Variants in RREB1 observed in about 807,000 individuals in gnomAD.
RREB1 encodes the protein ras-responsive element-binding protein 1.
RREB1 carries 27 observed loss-of-function variants against 117.8 expected under a neutral mutation model. The ratio of observed to expected loss-of-function variants is 0.23; its 90% CI spans 0.17 to 0.32. The LOEUF is 0.32. Ranked by LOEUF, RREB1 falls within the 10% of genes least tolerant of loss-of-function variation. RREB1 has a pLI of 1.00. For missense variants in RREB1, 2,577 were observed against 2,378.2 expected (o/e 1.08, Z -1.74); for synonymous variants, 1,298 against 1,026.7 (o/e 1.26, Z -5.05).
Position 7,111,907 on chromosome 6 carries a change from A to G in RREB1, c.-285+3847A>G, listed in dbSNP as rs1268898994. 2.6e-5 allele frequency among the ~76,000 whole-genome samples: 4 copies of G among 152,328 alleles called. No homozygotes were observed. The East Asian group carries it at 5.8e-4, about 22-fold the overall frequency. Reference sequence around the variant, plus strand: ...GAAATTCTGCATAATCCATAAAGTTATGTCTTTTATTCCGCATGAAACAGA... The same window carrying G: ...GAAATTCTGCATAATCCATAAAGTTGTGTCTTTTATTCCGCATGAAACAGA... On this transcript the variant is annotated intron_variant, in intron 1 of 12. Coordinates refer to ENST00000379938, the MANE Select transcript of RREB1 (RefSeq NM_001003699.4).
At chr6:7,160,186 C>T (rs1342474435) in intron 1 of RREB1, among the ~76,000 whole-genome samples, 1 of 151,406 alleles carries the variant, frequency 6.6e-6, no homozygotes, top group Non-Finnish European at 1.5e-5. Context: ...TTCAGTGGTA[C>T]AATTATAGCT....
At chr6:7,235,410 CAT>C (rs1360508672) in intron 10 of RREB1, among the ~76,000 whole-genome samples, 2 of 152,212 alleles carry the variant, frequency 1.3e-5, no homozygotes, top group Non-Finnish European at 2.9e-5. Flanking sequence ...TGAGTGTACA[CAT>C]GTTAAACATT....
chr6:7,153,991 TGGC>T (rs1359285822), intron 1 of RREB1, among the ~76,000 whole-genome samples: 1 of 152,230 alleles, frequency 6.6e-6, no homozygotes, highest in Non-Finnish European at 1.5e-5. Flanking sequence ...CTGGAAGTGA[TGGC>T]TGGTACTTGT....
At chr6:7,108,726 GTGCTCGCGCGGGGGTGCCTGCTCGGGGC>G (rs1023933884) in intron 1 of RREB1, 3 of 147,830 alleles carry the variant, frequency 2.0e-5, no homozygotes, top group Non-Finnish European at 4.6e-5. Context: ...CCTGCCCGGG[GTGCTCGCGCGGGGGTGCCTGCTCGGGGC>G]TGCTCGGTGG....
chr6:7,162,911 C>T (rs752014046), intron 1 of RREB1, among the ~76,000 whole-genome samples: 8 of 152,028 alleles, frequency 5.3e-5, no homozygotes, highest in South Asian at 2.1e-4. Flanking sequence ...TGCAGTGTCA[C>T]GGTCAGTGCT....
intron 11 of RREB1, among the ~76,000 whole-genome samples, chr6:7,245,473 T>A (rs2113191068): frequency 6.6e-6 from 1 of 152,356 alleles, no homozygotes; most frequent in South Asian, 2.1e-4. Context: ...TGTACTGTCG[T>A]AATGCATAAT....
At chr6:7,247,272 C>T in intron 12 of RREB1, 51 bp downstream of exon 12, 4 of 1,537,156 alleles carry the variant, frequency 2.6e-6, no homozygotes, top group Non-Finnish European at 3.5e-6. Flanking sequence ...GCGAGCCGGG[C>T]ACCTCTCCTA....
chr6:7,246,409 G>C lies in RREB1; in HGVS notation c.3974-15G>C. The C allele has an allele frequency of 6.8e-7, 1 of 1,467,690 alleles. No individual in the cohort carries two copies. The allele number at this position is 1,467,690 out of a possible 1,614,324, so 90.9% of individuals were successfully genotyped here. A position where few individuals can be genotyped will look rare whatever the true frequency, so the allele number is the denominator to read the frequency against. On this transcript the variant is annotated splice_polypyrimidine_tract_variant and intron_variant, in intron 11 of 12. Coordinates refer to ENST00000379938, the MANE Select transcript of RREB1 (RefSeq NM_001003699.4). ...GGTGCCCCTCTGAGCCCTCCCCGCT[G>C]TGCTTGCCCCACAGACAGTCAGTCG...
chr6:7,126,926 G>T (rs1417552506), intron 1 of RREB1, among the ~76,000 whole-genome samples: 1 of 152,212 alleles, frequency 6.6e-6, no homozygotes, highest in Non-Finnish European at 1.5e-5. Flanking sequence ...CTGCAAGTGG[G>T]AAGTGGTTGG....
chr6:7,161,438 G>A (rs1041716231), intron 1 of RREB1, among the ~76,000 whole-genome samples: 5 of 152,160 alleles, frequency 3.3e-5, no homozygotes, highest in Non-Finnish European at 5.9e-5. Context: ...ATGTTCTTAG[G>A]ATGGTTAGAC....
chr6:7,162,041 A>T (rs1763693996), intron 1 of RREB1, among the ~76,000 whole-genome samples: 1 of 152,120 alleles, frequency 6.6e-6, no homozygotes, highest in African/African-American at 2.4e-5. Flanking sequence ...GCCCAGCATC[A>T]TTCTGCCAGC....
intron 1 of RREB1, among the ~76,000 whole-genome samples, chr6:7,109,285 G>C (rs987007921): frequency 1.7e-4 from 25 of 151,476 alleles, no homozygotes; most frequent in African/African-American, 5.6e-4. Context: ...CACAAGCCTT[G>C]GGCCGGGCCC....
At chr6:7,111,475 T>C (rs1406314727) in intron 1 of RREB1, among the ~76,000 whole-genome samples, 1 of 152,182 alleles carries the variant, frequency 6.6e-6, no homozygotes, top group African/African-American at 2.4e-5. Context: ...TCATTATCCT[T>C]CTGAAAAGTA....
intron 8 of RREB1, among the ~76,000 whole-genome samples, chr6:7,222,138 G>A (rs977623872): frequency 3.3e-5 from 5 of 152,174 alleles, no homozygotes; most frequent in African/African-American, 7.2e-5. Flanking sequence ...TAACAGGCTT[G>A]TAGTTTAAGA....
Position 7,230,651 on chromosome 6 carries a change from C to T in RREB1, c.2552C>T (p.Ala851Val), listed in dbSNP as rs754554711. 1 of 1,600,332 alleles carries T rather than the reference C, an allele frequency of 6.2e-7. No individual in the cohort carries two copies. The highest frequency in any genetic ancestry group is 8.5e-7 in the Non-Finnish European group (1 of 1,173,798). ...ASGRGEDSGC[A>V]ALGDCKPLTA... ...GGGCGCGGGGAGGACAGTGGCTGCG[C>T]TGCCCTTGGTGACTGCAAGCCCCTC... Residue 851 changes from alanine to valine, a missense_variant, in exon 10 of 13, where the codon GCT becomes GTT. By Grantham distance (64) the Ala-to-Val change is moderately conservative. Transcript: ENST00000379938.
At chr6:7,178,193 T>C (rs1054798996) in intron 2 of RREB1, among the ~76,000 whole-genome samples, 1 of 152,124 alleles carries the variant, frequency 6.6e-6, no homozygotes, top group African/African-American at 2.4e-5. Context: ...TTATTACTAA[T>C]ATTGGAGTGA....
At chr6:7,211,338 A>ACGGACGGATG (rs1554124720) in intron 7 of RREB1, among the ~76,000 whole-genome samples, 4 of 118,566 alleles carry the variant, frequency 3.4e-5, no homozygotes, top group African/African-American at 1.3e-4. Flanking sequence ...ATGGATGGAC[A>ACGGACGGATG]GATGGATGGA....
intron 1 of RREB1, among the ~76,000 whole-genome samples, chr6:7,172,072 A>ATGGTATG (rs1764240868): frequency 6.6e-6 from 1 of 152,018 alleles, no homozygotes; most frequent in Non-Finnish European, 1.5e-5. Flanking sequence ...CAGCCTCCCA[A>ATGGTATG]GTAGCTGGGA....
chr6:7,237,933 C>T (rs1768445045), intron 10 of RREB1, among the ~76,000 whole-genome samples: 1 of 152,206 alleles, frequency 6.6e-6, no homozygotes, highest in Admixed American at 6.5e-5. Flanking sequence ...GGGACCTTCT[C>T]ATGGGGACGT....
Sources: gnomAD v4.1 joint callset for allele counts (sites outside exome capture counted in the v4.1 genomes callset) on GRCh38, gnomAD v4.1.1 for gene constraint, MANE v1.5 for transcripts, NCBI Gene and HGNC (gene_info 2026-07-23, HGNC 2026-07-21) for gene names.